XPR1: variants seen among roughly 807,000 people sequenced by gnomAD.
XPR1 encodes xenotropic and polytropic retrovirus receptor 1.
In XPR1, 28 loss-of-function variants were observed where a neutral mutation model predicts 87.5. The ratio of observed to expected loss-of-function variants is 0.32; its 90% CI spans 0.24 to 0.44. The LOEUF (loss-of-function observed/expected upper bound fraction) is 0.44. XPR1 is among the 20% of genes least tolerant of loss of function. The probability of loss-of-function intolerance (pLI) is 1.00; values close to 1 mark genes in which losing one functional copy is unlikely to be tolerated. For missense variants in XPR1, 559 were observed against 862.3 expected (o/e 0.65, Z 4.41); for synonymous variants, 300 against 306.1 (o/e 0.98, Z 0.21).
At chr1:180,809,565 A>T (rs1480900607) in intron 6 of XPR1, among the ~76,000 whole-genome samples, 7 of 152,172 alleles carry the variant, frequency 4.6e-5, no homozygotes, top group African/African-American at 1.7e-4. Flanking sequence ...TTTTTATGTC[A>T]GTTGTTTTTG....
intron 2 of XPR1, among the ~76,000 whole-genome samples, chr1:180,694,595 T>C (rs904939767): frequency 4.6e-5 from 7 of 152,202 alleles, no homozygotes; most frequent in African/African-American, 1.2e-4. Context: ...CAAATCTCTT[T>C]TTAGTACACT....
Position 180,888,313 on chromosome 1 carries a change from T to C in XPR1, c.*4247T>C, listed in dbSNP as rs1194434112. 1.3e-5 allele frequency: 2 copies of C among 151,856 alleles called. No homozygotes were observed. The highest frequency in any genetic ancestry group is 3.9e-4 in the East Asian group (2 of 5,194). The allele number at this position is 151,856 out of a possible 1,614,324, so 9.4% of individuals were successfully genotyped here. A position where few individuals can be genotyped will look rare whatever the true frequency, so the allele number is the denominator to read the frequency against. Reference sequence around the variant, plus strand: ...TGTTTTAAAATGTGGGATACAAATCTGGTAAGCAGATTTCAGGTCATTATT... The same window carrying C: ...TGTTTTAAAATGTGGGATACAAATCCGGTAAGCAGATTTCAGGTCATTATT... On this transcript the variant is annotated 3_prime_UTR_variant, in exon 15 of 15. Transcript: ENST00000367590.
intron 13 of XPR1, among the ~76,000 whole-genome samples, chr1:180,875,959 C>T (rs557193834): frequency 2.4e-4 from 36 of 150,950 alleles, no homozygotes; most frequent in Non-Finnish European, 5.0e-4. Flanking sequence ...GGACAAATTA[C>T]TGAAAAAGCA....
intron 12 of XPR1, 122 bp from the exon 13 acceptor site, chr1:180,873,681 C>T: frequency 9.3e-7 from 1 of 1,077,142 alleles, no homozygotes; most frequent in Non-Finnish European, 1.3e-6. Flanking sequence ...CAACTTTCCT[C>T]TTGAGCCTGT....
At chr1:180,778,678 C>G (rs1041306944) in intron 2 of XPR1, among the ~76,000 whole-genome samples, 1 of 152,122 alleles carries the variant, frequency 6.6e-6, no homozygotes, top group Non-Finnish European at 1.5e-5. Flanking sequence ...CCTTTGTCCC[C>G]TGAAAGACAA....
intron 2 of XPR1, among the ~76,000 whole-genome samples, chr1:180,781,010 GAGGT>G (rs1648915537): frequency 1.3e-5 from 2 of 151,936 alleles, no homozygotes; most frequent in Non-Finnish European, 2.9e-5. Context: ...TGCCCCATCT[GAGGT>G]CAGGAAGATT....
intron 3 of XPR1, among the ~76,000 whole-genome samples, chr1:180,793,157 A>T (rs1160144382): frequency 6.6e-6 from 1 of 152,112 alleles, no homozygotes; most frequent in Non-Finnish European, 1.5e-5. Flanking sequence ...GTGTTTTATT[A>T]GTAGGATCTT....
intron 13 of XPR1, among the ~76,000 whole-genome samples, chr1:180,876,509 G>T (rs895316618): frequency 2.0e-5 from 3 of 152,030 alleles, no homozygotes; most frequent in African/African-American, 7.2e-5. Context: ...AGTGGCGCAT[G>T]CCTGTAGTCC....
chr1:180,817,806 T>C (rs568329270), intron 7 of XPR1, among the ~76,000 whole-genome samples: 1 of 152,308 alleles, frequency 6.6e-6, no homozygotes, highest in South Asian at 2.1e-4. Context: ...TTGGAAAGAA[T>C]ATGAGCCGGA....
intron 2 of XPR1, among the ~76,000 whole-genome samples, chr1:180,713,757 G>T (rs1425473592): frequency 1.3e-5 from 2 of 152,068 alleles, no homozygotes; most frequent in Non-Finnish European, 2.9e-5. Context: ...TTTATATGTT[G>T]TTGAATTAGA....
chr1:180,742,553 G>A (rs28772709), intron 2 of XPR1, among the ~76,000 whole-genome samples: 6,522 of 152,164 alleles, frequency 0.043, 500 homozygotes, highest in African/African-American at 0.15. Flanking sequence ...GATATAGTCT[G>A]TCTTGGTACA....
chr1:180,799,111 C>T (rs754281341), intron 3 of XPR1, among the ~76,000 whole-genome samples: 16 of 152,090 alleles, frequency 1.1e-4, no homozygotes, highest in Non-Finnish European at 1.9e-4. Flanking sequence ...TACAAAGAAC[C>T]CAAAATGGCC....
chr1:180,820,044 TAC>T lies in XPR1; in HGVS notation c.764-4701_764-4700del, dbSNP rs1458795867. On this transcript the variant is annotated intron_variant, in intron 7 of 14. Coordinates refer to ENST00000367590, the MANE Select transcript of XPR1 (RefSeq NM_004736.4). ...CAAAAAAAAAAAAATTATATATATA[TAC>T]ACACACATACACACATACCTAACAT... Among the ~76,000 whole-genome samples, 3 of 151,750 alleles carry T rather than the reference TAC, an allele frequency of 2.0e-5. No individual in the cohort carries two copies. The East Asian group carries it at 5.8e-4, about 29-fold the overall frequency.
chr1:180,851,105 T>G (rs190831761), intron 11 of XPR1, among the ~76,000 whole-genome samples: 1 of 152,186 alleles, frequency 6.6e-6, no homozygotes, highest in Non-Finnish European at 1.5e-5. Context: ...TGCTCCAGAA[T>G]TGTTATTTGG....
At chr1:180,708,660 C>T (rs868187732) in intron 2 of XPR1, among the ~76,000 whole-genome samples, 6 of 151,480 alleles carry the variant, frequency 4.0e-5, no homozygotes, top group South Asian at 2.1e-4. Context: ...AACAGGAAAA[C>T]GTGACTCTGC....
chr1:180,816,519 G>A (rs1189878636), intron 7 of XPR1, among the ~76,000 whole-genome samples: 1 of 152,170 alleles, frequency 6.6e-6, no homozygotes, highest in East Asian at 1.9e-4. Flanking sequence ...CAAAAGACAT[G>A]TATGAGAACA....
chr1:180,725,491 TCCAAA>T (rs749165970), intron 2 of XPR1, among the ~76,000 whole-genome samples: 3 of 152,330 alleles, frequency 2.0e-5, no homozygotes, highest in East Asian at 1.9e-4. Context: ...TTTTATGACT[TCCAAA>T]CCTTTCTAGT....
chr1:180,713,150 GTCT>G (rs1234293013), intron 2 of XPR1, among the ~76,000 whole-genome samples: 1 of 151,504 alleles, frequency 6.6e-6, no homozygotes, highest in African/African-American at 2.4e-5. Context: ...TTTCTCTTTG[GTCT>G]TCTTTAATTT....
chr1:180,706,780 T>C (rs1657572999), intron 2 of XPR1, among the ~76,000 whole-genome samples: 1 of 152,022 alleles, frequency 6.6e-6, no homozygotes, highest in Non-Finnish European at 1.5e-5. Flanking sequence ...CCTGGCTATT[T>C]TTTTTTATTT....
Sources: gnomAD v4.1 joint callset for allele counts (sites outside exome capture counted in the v4.1 genomes callset) on GRCh38, gnomAD v4.1.1 for gene constraint, MANE v1.5 for transcripts, NCBI Gene and HGNC (gene_info 2026-07-23, HGNC 2026-07-21) for gene names.